Variants in SND1 observed in about 807,000 individuals in gnomAD.
SND1 encodes the protein staphylococcal nuclease domain-containing protein 1.
SND1 carries 38 observed loss-of-function variants against 121.7 expected under a neutral mutation model. The ratio of observed to expected loss-of-function variants is 0.31; its 90% CI spans 0.24 to 0.41. SND1 has a LOEUF of 0.41. Among genes scored for constraint, SND1 ranks in the 10% least tolerant of loss-of-function variants. The pLI, the probability that SND1 is intolerant of heterozygous loss-of-function variation, is 1.00. For synonymous variants in SND1, 401 were observed against 447.4 expected, an observed-to-expected ratio of 0.90 and a Z score of 1.31; for missense variants, 868 against 1,184.6, an observed-to-expected ratio of 0.73 and a Z score of 3.92.
chr7:128,059,212 C>T (rs866873534), intron 16 of SND1, among the ~76,000 whole-genome samples: 1 of 152,176 alleles, frequency 6.6e-6, no homozygotes, highest in Non-Finnish European at 1.5e-5. Context: ...AAGAGTTTCC[C>T]GACTCTTCAG....
At chr7:128,026,297 G>A (rs1803475685) in intron 16 of SND1, among the ~76,000 whole-genome samples, 3 of 152,212 alleles carry the variant, frequency 2.0e-5, no homozygotes, top group Admixed American at 6.5e-5. Flanking sequence ...AGAACTGTGA[G>A]TGGTAGTTTA....
At chr7:127,745,132 G>A (rs1446348787) in intron 10 of SND1, among the ~76,000 whole-genome samples, 1 of 152,180 alleles carries the variant, frequency 6.6e-6, no homozygotes, top group African/African-American at 2.4e-5. Context: ...ACGTTCTTGA[G>A]AAGTGGGTCA....
chr7:127,914,724 G>T (rs967866969), intron 14 of SND1, among the ~76,000 whole-genome samples: 2 of 152,164 alleles, frequency 1.3e-5, no homozygotes, highest in African/African-American at 4.8e-5. Flanking sequence ...GTAAAAGAAC[G>T]CAGCAGAAAG....
At chr7:127,978,118 AG>A (rs1387625161) in intron 15 of SND1, among the ~76,000 whole-genome samples, 1 of 152,188 alleles carries the variant, frequency 6.6e-6, no homozygotes, top group East Asian at 1.9e-4. Flanking sequence ...GAGAATGGAT[AG>A]ACCTGCCAAA....
intron 15 of SND1, among the ~76,000 whole-genome samples, chr7:127,989,787 T>C (rs1421006230): frequency 6.6e-6 from 1 of 152,260 alleles, no homozygotes; most frequent in Admixed American, 6.5e-5. Context: ...TCTGTAATTA[T>C]ATAGCGTCAT....
chr7:127,729,303 C>T (rs1160976652), intron 10 of SND1, among the ~76,000 whole-genome samples: 4 of 151,940 alleles, frequency 2.6e-5, no homozygotes, highest in Admixed American at 6.6e-5. Flanking sequence ...TTACTGTTGT[C>T]GACCTTGTTG....
In SND1 at chr7:127,721,394, C is replaced by T. The variant is rs151231206; in HGVS notation, c.1146C>T (p.Asn382=). 1.7e-5 allele frequency: 27 copies of T among 1,605,470 alleles called. No individual in the cohort carries two copies. In the African/African-American group the frequency reaches 3.1e-4, roughly 18 times the overall value. The part of the protein sequence containing the change: ...SIRPPRLEGE[N]TQDKNKKLRP... ...GACCACCGAGGCTGGAGGGGGAGAA[C>T]ACCCAGGTGAGAATAGGGAAGCAGC... is the stretch of plus-strand genomic sequence containing the variant. The change falls in exon 10 of 24, where the codon AAC becomes AAT. Residue 382 remains asparagine, a synonymous_variant. Coordinates refer to ENST00000354725, the MANE Select transcript of SND1 (RefSeq NM_014390.4).
chr7:127,966,637 G>C (rs1297572849), intron 15 of SND1, among the ~76,000 whole-genome samples: 1 of 88,146 alleles, frequency 1.1e-5, no homozygotes, highest in Non-Finnish European at 2.2e-5. Flanking sequence ...CAGAAATAAA[G>C]ATGTTCTTTG....
Position 128,089,171 on chromosome 7 carries a change from C to A in SND1, c.2419-318C>A, listed in dbSNP as rs1234211137. On this transcript the variant is annotated intron_variant, in intron 21 of 23. Transcript: ENST00000354725. The stretch of plus-strand genomic sequence containing the variant: ...CTAGCTTCAAGCGATTCTCGTGCCG[C>A]AGTTTCCCAAGTAGCTGGGATTACA... Among the ~76,000 whole-genome samples the A allele has an allele frequency of 2.0e-5, 3 of 152,282 alleles. No homozygotes were observed. In the South Asian group the frequency reaches 6.2e-4, roughly 32 times the overall value.
chr7:127,826,007 T>C (rs1798636728), intron 11 of SND1, among the ~76,000 whole-genome samples: 2 of 151,998 alleles, frequency 1.3e-5, no homozygotes, highest in African/African-American at 4.8e-5. Flanking sequence ...CTGGCCAACA[T>C]GGCGAAACCC....
intron 16 of SND1, among the ~76,000 whole-genome samples, chr7:128,059,655 C>T (rs1562885765): frequency 2.0e-5 from 3 of 152,192 alleles, no homozygotes; most frequent in Non-Finnish European, 1.5e-5. Flanking sequence ...CAGTGCTGAA[C>T]CACAAGCATC....
intron 12 of SND1, among the ~76,000 whole-genome samples, chr7:127,886,550 C>T (rs1799912841): frequency 6.6e-6 from 1 of 152,090 alleles, no homozygotes; most frequent in South Asian, 2.1e-4. Flanking sequence ...TTGAGTAGGG[C>T]CTTTGGTGTA....
chr7:127,957,966 T>G (rs1801639974), intron 15 of SND1, among the ~76,000 whole-genome samples: 1 of 152,216 alleles, frequency 6.6e-6, no homozygotes, highest in Admixed American at 6.5e-5. Flanking sequence ...CCTCCCAAAG[T>G]GCTGGGGTTA....
rs964615858 is a variant in SND1, at chr7:128,015,103, C to T, written c.1779+24047C>T. On this transcript the variant is annotated intron_variant, in intron 16 of 23. Coordinates refer to ENST00000354725, the MANE Select transcript of SND1 (RefSeq NM_014390.4). This position sits in a 1 kb window ranked among gnomAD's most constrained non-coding sequence, Gnocchi z 4.5. ...ATCAGCAGCTGCACCTCCTCCCTCG[C>T]GCCTTCTGTCTGAGCCAACCTTGAT... is the stretch of plus-strand genomic sequence containing the variant. Among the ~76,000 whole-genome samples, 4 of 152,212 alleles carry T rather than the reference C, an allele frequency of 2.6e-5. No individual in the cohort carries two copies. Among genetic ancestry groups the T allele is most frequent in the African/African-American group, 7.2e-5 (3 of 41,448 alleles).
chr7:127,677,278 CTT>C (rs1290599958), intron 1 of SND1, among the ~76,000 whole-genome samples: 1 of 152,126 alleles, frequency 6.6e-6, no homozygotes, highest in African/African-American at 2.4e-5. Flanking sequence ...ATCATAACAA[CTT>C]ATATATATTC....
At chr7:127,975,185 C>A (rs1377450076) in intron 15 of SND1, among the ~76,000 whole-genome samples, 1 of 152,150 alleles carries the variant, frequency 6.6e-6, no homozygotes, top group Admixed American at 6.5e-5. Context: ...TTTTCAGACT[C>A]CCCAAATTTC....
rs927130711 is a variant in SND1, at chr7:127,687,511, C to A, written c.228+749C>A. On this transcript the variant is annotated intron_variant, in intron 2 of 23. Coordinates refer to ENST00000354725, the MANE Select transcript of SND1 (RefSeq NM_014390.4). ...AGTCCCCAGTGTCTATTATTTCTAT[C>A]TATATGTCCATGTGTACCCATTGTT... is the stretch of plus-strand genomic sequence containing the variant. Among the ~76,000 whole-genome samples, 11 of 152,238 alleles carry A rather than the reference C, an allele frequency of 7.2e-5. No individual in the cohort carries two copies. The East Asian group carries it at 1.4e-3, about 19-fold the overall frequency.
intron 17 of SND1, among the ~76,000 whole-genome samples, chr7:128,075,020 C>T (rs1035620204): frequency 2.6e-5 from 4 of 152,244 alleles, no homozygotes; most frequent in Non-Finnish European, 4.4e-5. Flanking sequence ...CGGGGCGCCC[C>T]TCCCTCCCCA....
At chr7:127,814,472 C>T (rs1016145033) in intron 11 of SND1, among the ~76,000 whole-genome samples, 4 of 151,918 alleles carry the variant, frequency 2.6e-5, no homozygotes, top group Non-Finnish European at 4.4e-5. Flanking sequence ...ATGTTGTAGA[C>T]GAGTGTGAAG....
Sources: gnomAD v4.1 joint callset for allele counts (sites outside exome capture counted in the v4.1 genomes callset) on GRCh38, gnomAD v4.1.1 for gene constraint, Gnocchi (gnomAD v3.1) non-coding constraint, MANE v1.5 for transcripts, NCBI Gene and HGNC (gene_info 2026-07-23, HGNC 2026-07-21) for gene names.